FOCAD: variants seen among roughly 807,000 people sequenced by gnomAD.
The protein encoded by FOCAD is focadhesin.
In FOCAD, 198 loss-of-function variants were observed where a neutral mutation model predicts 225.6. That is an observed-to-expected ratio of 0.88 (90% CI 0.78 to 0.99). The LOEUF (loss-of-function observed/expected upper bound fraction) is 0.99. Ranked by LOEUF, FOCAD falls within the 50% of genes least tolerant of loss-of-function variation. The pLI is 0.00. For synonymous variants in FOCAD, 897 were observed against 755.0 expected (o/e 1.19, Z -3.08); for missense variants, 2,713 against 2,123.6 (o/e 1.28, Z -5.46).
At chr9:20,875,162 A>G (rs1830130205) in intron 19 of FOCAD, 1 of 215,136 alleles carries the variant, frequency 4.6e-6, no homozygotes, top group African/African-American at 2.4e-5. Context: ...AGCCAAGTGA[A>G]AAGATCATTA....
At chr9:20,698,021 CTT>C (rs1347783229) in intron 1 of FOCAD, among the ~76,000 whole-genome samples, 1 of 152,288 alleles carries the variant, frequency 6.6e-6, no homozygotes, top group African/African-American at 2.4e-5. Flanking sequence ...TCAAGTGAGA[CTT>C]TTTTTGCCTT....
intron 39 of FOCAD, among the ~76,000 whole-genome samples, chr9:20,983,827 G>C (rs1328573980): frequency 6.6e-6 from 1 of 152,076 alleles, no homozygotes; most frequent in Non-Finnish European, 1.5e-5. Context: ...AGTTCAGTGA[G>C]TTAGTCCATG....
intron 8 of FOCAD, among the ~76,000 whole-genome samples, chr9:20,777,422 A>G (rs1818877051): frequency 6.6e-6 from 1 of 151,390 alleles, no homozygotes; most frequent in South Asian, 2.1e-4. Context: ...TAGTGCCATA[A>G]TACATTAAGA....
chr9:20,995,354 G>T (rs1283368637), intron 43 of FOCAD, among the ~76,000 whole-genome samples: 1 of 91,812 alleles, frequency 1.1e-5, no homozygotes, highest in Non-Finnish European at 2.1e-5. Flanking sequence ...TGATTGCAGG[G>T]TAACTTAAAA....
intron 5 of FOCAD, among the ~76,000 whole-genome samples, chr9:20,755,892 T>G (rs1829000373): frequency 6.6e-6 from 1 of 152,120 alleles, no homozygotes; most frequent in Admixed American, 6.6e-5. Context: ...ATCCCTGGCC[T>G]CCAGCAATTC....
At chr9:20,887,423 T>C (rs1409625743) in intron 21 of FOCAD, among the ~76,000 whole-genome samples, 1 of 151,984 alleles carries the variant, frequency 6.6e-6, no homozygotes, top group Non-Finnish European at 1.5e-5. Context: ...TTAGTAGAGA[T>C]GGAGTTTTAC....
In FOCAD at chr9:20,930,564, A is replaced by C. The variant is rs375980536; in HGVS notation, c.3317+968A>C. 2.6e-5 allele frequency among the ~76,000 whole-genome samples: 4 copies of C among 152,344 alleles called. No homozygotes were observed. The South Asian group carries it at 8.3e-4, about 32-fold the overall frequency. The stretch of plus-strand genomic sequence containing the variant: ...TGGATAAACTGGATGACACTATGCT[A>C]TATTTATTTCAGTTTGAGACCACTG... On this transcript the variant is annotated intron_variant, in intron 27 of 43. Coordinates refer to ENST00000338382, the MANE Select transcript of FOCAD (RefSeq NM_001375567.1).
chr9:20,833,302 A>G (rs1029040332), intron 15 of FOCAD, among the ~76,000 whole-genome samples: 5 of 152,008 alleles, frequency 3.3e-5, no homozygotes, highest in African/African-American at 1.2e-4. Flanking sequence ...GCAGTCCTGA[A>G]TGGTTTAATG....
intron 1 of FOCAD, among the ~76,000 whole-genome samples, chr9:20,686,494 T>G (rs1489022809): frequency 6.6e-6 from 1 of 152,208 alleles, no homozygotes; most frequent in Non-Finnish European, 1.5e-5. Flanking sequence ...GACATTAACC[T>G]TCTAGCGGGA....
rs188026693 is a variant in FOCAD at position 20,776,969 on chromosome 9, A to G, written c.907-1712A>G. 1.5e-3 allele frequency among the ~76,000 whole-genome samples: 226 copies of G among 152,302 alleles called. 2 individuals are homozygous for G. Among genetic ancestry groups the G allele is most frequent in the Non-Finnish European group, 2.7e-3 (181 of 68,024 alleles). The stretch of plus-strand genomic sequence containing the variant: ...AAATGCATGTATTATCCTCAAATAG[A>G]TAAGAGTTGCTTCATTGTTTTCGAC... On this transcript the variant is annotated intron_variant, in intron 8 of 43. Coordinates refer to ENST00000338382, the MANE Select transcript of FOCAD (RefSeq NM_001375567.1).
At chr9:20,690,775 T>C (rs1254806141) in intron 1 of FOCAD, among the ~76,000 whole-genome samples, 2 of 152,150 alleles carry the variant, frequency 1.3e-5, no homozygotes, top group Non-Finnish European at 2.9e-5. Context: ...TTTGAACTTC[T>C]GGCCTCAAGC....
intron 6 of FOCAD, among the ~76,000 whole-genome samples, chr9:20,759,057 C>T (rs1031316583): frequency 6.6e-6 from 1 of 152,052 alleles, no homozygotes; most frequent in Non-Finnish European, 1.5e-5. Context: ...ATCCAACTTA[C>T]AAGGGATATG....
At chr9:20,816,649 A>G (rs1453609386) in intron 11 of FOCAD, among the ~76,000 whole-genome samples, 1 of 152,132 alleles carries the variant, frequency 6.6e-6, no homozygotes, top group Non-Finnish European at 1.5e-5. Context: ...TTGAATTAAA[A>G]TAGATGTCTT....
chr9:20,866,917 T>TTTTTTAACAAAA lies in FOCAD; in HGVS notation c.2107-12_2107-11insTTTTTAACAAAA. The TTTTTTAACAAAA allele has an allele frequency of 1.3e-6, 1 of 764,972 alleles. No homozygotes were observed. The highest frequency in any genetic ancestry group is 2.0e-6 in the Non-Finnish European group (1 of 498,468). 47.4% of individuals were successfully genotyped at this position (764,972 alleles called of 1,614,324 possible). A position where few individuals can be genotyped will look rare whatever the true frequency, so the allele number is the denominator to read the frequency against. On this transcript the variant is annotated splice_polypyrimidine_tract_variant and intron_variant, in intron 17 of 43. Transcript: ENST00000338382. ...TTTTTTTTTTTTTTTTTTTTTTTTTTACCCTATCTAGGACCCAATTGTAGC... is the reference window on the plus strand; with the variant it reads ...TTTTTTTTTTTTTTTTTTTTTTTTTTTTTTTAACAAAAACCCTATCTAGGACCCAATTGTAGC...
chr9:20,808,657 C>T (rs1036903146), intron 11 of FOCAD, among the ~76,000 whole-genome samples: 4 of 152,122 alleles, frequency 2.6e-5, no homozygotes, highest in Admixed American at 6.5e-5. Context: ...GAAAAATAAG[C>T]TGATCGGGAA....
At chr9:20,706,687 T>C (rs954884228) in intron 1 of FOCAD, among the ~76,000 whole-genome samples, 2 of 152,202 alleles carry the variant, frequency 1.3e-5, no homozygotes, top group African/African-American at 2.4e-5. Context: ...AGTGAAAATA[T>C]GTAGGGAGGG....
intron 11 of FOCAD, 58 bp downstream of exon 11, chr9:20,789,666 A>C: frequency 6.3e-7 from 1 of 1,583,656 alleles, no homozygotes; most frequent in Non-Finnish European, 8.6e-7. Context: ...TTGGAAATGT[A>C]GATTATTCCT....
intron 10 of FOCAD, among the ~76,000 whole-genome samples, chr9:20,784,610 A>C (rs1414702734): frequency 6.6e-6 from 1 of 152,160 alleles, no homozygotes; most frequent in African/African-American, 2.4e-5. Flanking sequence ...TCAGCATAAC[A>C]ATTTAGAGAC....
chr9:20,902,141 T>C (rs1832612773), intron 21 of FOCAD, among the ~76,000 whole-genome samples: 1 of 151,882 alleles, frequency 6.6e-6, no homozygotes, highest in Admixed American at 6.6e-5. Context: ...CTGTTATGGG[T>C]ACCATGGGAG....
Sources: allele counts gnomAD v4.1 joint callset (sites outside exome capture counted in the v4.1 genomes callset), GRCh38; gene constraint gnomAD v4.1.1; transcripts MANE v1.5; gene names NCBI Gene and HGNC (gene_info 2026-07-23, HGNC 2026-07-21).